LIMD1: variants seen among roughly 807,000 people sequenced by gnomAD.
LIMD1 encodes the protein LIM domain containing 1, also known as LIM domain-containing protein 1.
LIMD1 carries 23 observed loss-of-function variants against 58.4 expected under a neutral mutation model. That is an observed-to-expected ratio of 0.39 (90% confidence interval 0.28 to 0.56). LIMD1 has a LOEUF of 0.56. LIMD1 is among the 20% of genes least tolerant of loss of function. The pLI is 0.57. For missense variants in LIMD1, 838 were observed against 855.5 expected, an observed-to-expected ratio of 0.98 and a Z score of 0.25; for synonymous variants, 334 against 345.5, an observed-to-expected ratio of 0.97 and a Z score of 0.37.
intron 1 of LIMD1, among the ~76,000 whole-genome samples, chr3:45,609,515 G>T (rs1307377627): frequency 6.6e-6 from 1 of 152,162 alleles, no homozygotes; most frequent in South Asian, 2.1e-4. Flanking sequence ...GCTCTGAATG[G>T]TTCCTTGGTT....
intron 2 of LIMD1, among the ~76,000 whole-genome samples, chr3:45,649,325 G>A (rs1044031028): frequency 6.6e-6 from 1 of 151,222 alleles, no homozygotes. Flanking sequence ...ATGCTGATTT[G>A]GTGATGAATT....
chr3:45,604,322 A>T (rs1226532114), intron 1 of LIMD1, among the ~76,000 whole-genome samples: 2 of 152,164 alleles, frequency 1.3e-5, no homozygotes, highest in Non-Finnish European at 2.9e-5. Flanking sequence ...GGATGTGACT[A>T]CATCATGTGC....
chr3:45,630,145 T>A (rs1287648357), intron 1 of LIMD1, among the ~76,000 whole-genome samples: 1 of 107,354 alleles, frequency 9.3e-6, no homozygotes, highest in Non-Finnish European at 1.9e-5. Context: ...CAGTAACATG[T>A]GATGATATTT....
rs745407756 is a variant in LIMD1, at chr3:45,595,236, C to T, written c.357C>T (p.Thr119=). 17 of 1,603,748 alleles carry T rather than the reference C, an allele frequency of 1.1e-5. No individual in the cohort carries two copies. In the South Asian group the frequency reaches 1.9e-4, roughly 18 times the overall value. Residue 119 remains threonine (T), a synonymous_variant, in exon 1 of 8, where the codon ACC becomes ACT. Transcript: ENST00000273317. ...CAGGGGCACCTGGGGCAGTCACCAC[C>T]CTCGCTGCTGGGCAGCCCCCGTACC... is the stretch of plus-strand genomic sequence containing the variant. The part of the protein sequence containing the change: ...ASTGAPGAVT[T]LAAGQPPYPP...
chr3:45,632,167 T>A (rs562055935), intron 1 of LIMD1, among the ~76,000 whole-genome samples: 1 of 152,328 alleles, frequency 6.6e-6, no homozygotes, highest in South Asian at 2.1e-4. Context: ...CGAGTGTGCT[T>A]AGTTGATGCC....
intron 1 of LIMD1, among the ~76,000 whole-genome samples, chr3:45,626,567 C>G (rs1032375628): frequency 6.6e-6 from 1 of 152,100 alleles, no homozygotes; most frequent in Non-Finnish European, 1.5e-5. Context: ...CAATGGTTGC[C>G]AGGGGTTTTT....
rs1701315037 is a variant in LIMD1, at chr3:45,594,793, A to ACACACACACACACACACG, written c.-70_-69insGCACACACACACACACAC. ...CGCTGCCCTCAACACACACACACAC[A>ACACACACACACACACACG]CACACACACACACACACACACACAC... On this transcript the variant is annotated 5_prime_UTR_variant, in exon 1 of 8. Transcript: ENST00000273317. 4 of 98,482 alleles carry ACACACACACACACACACG rather than the reference A, an allele frequency of 4.1e-5. No homozygotes were observed. The highest frequency in any genetic ancestry group is 5.1e-5 in the Non-Finnish European group (3 of 58,664). 6.1% of individuals were successfully genotyped at this position (98,482 alleles called of 1,614,324 possible). A position where few individuals can be genotyped will look rare whatever the true frequency, so the allele number is the denominator to read the frequency against.
At chr3:45,641,831 A>G (rs999724438) in intron 2 of LIMD1, among the ~76,000 whole-genome samples, 10 of 152,216 alleles carry the variant, frequency 6.6e-5, no homozygotes, top group African/African-American at 2.2e-4. Context: ...TGACTGCCAC[A>G]TAAGTGGGAT....
intron 1 of LIMD1, among the ~76,000 whole-genome samples, chr3:45,597,918 A>C (rs1017002000): frequency 6.6e-6 from 1 of 152,212 alleles, no homozygotes; most frequent in African/African-American, 2.4e-5. Flanking sequence ...CCCCATACTC[A>C]GCAGGCTGAG....
intron 1 of LIMD1, among the ~76,000 whole-genome samples, chr3:45,632,724 C>G (rs1453863323): frequency 6.6e-6 from 1 of 152,218 alleles, no homozygotes; most frequent in Non-Finnish European, 1.5e-5. Flanking sequence ...TAGCAACTCA[C>G]CACAGCATGG....
intron 2 of LIMD1, among the ~76,000 whole-genome samples, chr3:45,656,163 C>T (rs570909143): frequency 5.8e-4 from 89 of 152,196 alleles, no homozygotes; most frequent in Non-Finnish European, 8.7e-4. Flanking sequence ...AAGAACCTGA[C>T]CCTACTAGCA....
At chr3:45,646,178 C>A (rs1184551320) in intron 2 of LIMD1, among the ~76,000 whole-genome samples, 1 of 152,184 alleles carries the variant, frequency 6.6e-6, no homozygotes. Flanking sequence ...GGTCTCAGAG[C>A]GGTTGCCCAG....
intron 1 of LIMD1, among the ~76,000 whole-genome samples, chr3:45,602,207 C>G (rs1284378830): frequency 6.6e-6 from 1 of 152,130 alleles, no homozygotes; most frequent in Non-Finnish European, 1.5e-5. Context: ...CTTGGCCTCC[C>G]AAAGTGCTGG....
rs7609874 is a variant in LIMD1 at position 45,683,800 on chromosome 3, G to A, written c.*6741G>A. On this transcript the variant is annotated 3_prime_UTR_variant, in exon 8 of 8. Coordinates refer to ENST00000273317, the MANE Select transcript of LIMD1 (RefSeq NM_014240.3). ...TTTCGTTTTTCAATAAATCTCTTTT[G>A]TTGCTTCATTCTTTACTTGCTTTGT... The A allele has an allele frequency of 6.6e-6, 1 of 152,156 alleles. No individual in the cohort carries two copies. The highest frequency in any genetic ancestry group is 2.4e-5 in the African/African-American group (1 of 41,414). 9.4% of individuals were successfully genotyped at this position (152,156 alleles called of 1,614,324 possible). A position where few individuals can be genotyped will look rare whatever the true frequency, so the allele number is the denominator to read the frequency against.
At chr3:45,627,505 T>C (rs1701678154) in intron 1 of LIMD1, among the ~76,000 whole-genome samples, 1 of 152,132 alleles carries the variant, frequency 6.6e-6, no homozygotes. Context: ...AAATGCCCAT[T>C]CTAGGCTAGA....
intron 2 of LIMD1, among the ~76,000 whole-genome samples, chr3:45,658,755 A>G (rs1194528725): frequency 6.6e-6 from 1 of 151,302 alleles, no homozygotes; most frequent in Admixed American, 6.6e-5. Flanking sequence ...GGGCTTTTCC[A>G]TGTTGGTCAG....
chr3:45,641,454 T>G (rs1169039265), intron 2 of LIMD1, among the ~76,000 whole-genome samples: 1 of 150,532 alleles, frequency 6.6e-6, no homozygotes, highest in Non-Finnish European at 1.5e-5. Context: ...GAAAATCTAG[T>G]TTAAAACACT....
At chr3:45,612,943 T>C (rs1401633213) in intron 1 of LIMD1, 1 of 152,216 alleles carries the variant, frequency 6.6e-6, no homozygotes, top group Non-Finnish European at 1.5e-5. Flanking sequence ...TCTTCCCAGC[T>C]GAAGTCGAAC....
At chr3:45,659,104 A>G (rs1697391982) in intron 2 of LIMD1, among the ~76,000 whole-genome samples, 1 of 152,226 alleles carries the variant, frequency 6.6e-6, no homozygotes, top group African/African-American at 2.4e-5. Context: ...TCTCTCTAAT[A>G]CCATCTGTCA....
Sources: gnomAD v4.1 joint callset for allele counts (sites outside exome capture counted in the v4.1 genomes callset) on GRCh38, gnomAD v4.1.1 for gene constraint, MANE v1.5 for transcripts, NCBI Gene and HGNC (gene_info 2026-07-23, HGNC 2026-07-21) for gene names.